Variants in STOX2 observed in about 807,000 individuals in gnomAD.
STOX2 encodes the protein storkhead-box protein 2.
A neutral mutation model predicts 60.9 loss-of-function variants in STOX2; 28 were observed. The ratio of observed to expected loss-of-function variants is 0.46; its 90% CI spans 0.34 to 0.63. The LOEUF is 0.63. Ranked by LOEUF, STOX2 falls within the 30% of genes least tolerant of loss-of-function variation. STOX2 has a pLI of 0.01. For synonymous variants in STOX2, 472 were observed against 463.9 expected, an observed-to-expected ratio of 1.02 and a Z score of -0.22; for missense variants, 1,024 against 1,187.7, an observed-to-expected ratio of 0.86 and a Z score of 2.03.
intron 1 of STOX2, among the ~76,000 whole-genome samples, chr4:183,922,596 G>C (rs755010622): frequency 4.6e-5 from 7 of 151,808 alleles, no homozygotes; most frequent in Non-Finnish European, 1.0e-4. Flanking sequence ...CACCCACCTC[G>C]GCCTCCCAAA....
chr4:183,830,713 C>A (rs948551552), intron 1 of STOX2, among the ~76,000 whole-genome samples: 1 of 152,188 alleles, frequency 6.6e-6, no homozygotes, highest in South Asian at 2.1e-4. Context: ...AGGCCAATGG[C>A]TCATTGAAAA....
chr4:183,981,430 G>A (rs992327786), intron 1 of STOX2, among the ~76,000 whole-genome samples: 32 of 151,416 alleles, frequency 2.1e-4, no homozygotes, highest in African/African-American at 7.0e-4. Context: ...AGATAGAAAC[G>A]TCTGAGATAC....
chr4:183,950,041 G>C (rs371941862), intron 1 of STOX2, among the ~76,000 whole-genome samples: 3 of 152,154 alleles, frequency 2.0e-5, no homozygotes, highest in African/African-American at 7.2e-5. Context: ...TCTCACTATT[G>C]TACAGCATTT....
intron 2 of STOX2, among the ~76,000 whole-genome samples, chr4:184,006,350 G>A (rs1733825684): frequency 6.6e-6 from 1 of 152,072 alleles, no homozygotes; most frequent in African/African-American, 2.4e-5. Context: ...TGATTGCTGT[G>A]CCAAACAATG....
At chr4:183,970,412 G>A (rs761990246) in intron 1 of STOX2, among the ~76,000 whole-genome samples, 4 of 152,056 alleles carry the variant, frequency 2.6e-5, no homozygotes, top group Non-Finnish European at 4.4e-5. Flanking sequence ...GTTGGGTTGG[G>A]TGCTCCTCAG....
At chr4:183,989,059 T>C (rs1470289522) in intron 1 of STOX2, among the ~76,000 whole-genome samples, 1 of 152,128 alleles carries the variant, frequency 6.6e-6, no homozygotes, top group African/African-American at 2.4e-5. Context: ...AGCAGCAGGA[T>C]TTGCCAATAG....
intron 1 of STOX2, among the ~76,000 whole-genome samples, chr4:183,800,863 C>T (rs187672359): frequency 7.9e-5 from 12 of 152,292 alleles, no homozygotes; most frequent in Admixed American, 5.9e-4. Flanking sequence ...GACTTGGGTT[C>T]GCCTGGGTGC....
chr4:183,891,818 G>C (rs759276547), intron 1 of STOX2, among the ~76,000 whole-genome samples: 53 of 151,842 alleles, frequency 3.5e-4, no homozygotes, highest in Non-Finnish European at 7.4e-4. Context: ...TTAAAAAAAA[G>C]GAATTTGTCT....
At chr4:183,940,585 T>C (rs768062586) in intron 1 of STOX2, among the ~76,000 whole-genome samples, 1 of 152,158 alleles carries the variant, frequency 6.6e-6, no homozygotes, top group Non-Finnish European at 1.5e-5. Flanking sequence ...AAAGATGTTG[T>C]CATCAAAGGG....
chr4:183,949,661 G>A (rs1743011347), intron 1 of STOX2, among the ~76,000 whole-genome samples: 1 of 152,206 alleles, frequency 6.6e-6, no homozygotes, highest in Non-Finnish European at 1.5e-5. Flanking sequence ...TCGTGCCATT[G>A]TACTCCAGCC....
chr4:184,010,912 G>A lies in STOX2; in HGVS notation c.2074G>A (p.Asp692Asn). The A allele has an allele frequency of 6.2e-7, 1 of 1,613,276 alleles. No individual in the cohort carries two copies. The highest frequency in any genetic ancestry group is 1.1e-5 in the South Asian group (1 of 90,942). The change falls in exon 3 of 4, where the codon GAC becomes AAC. Residue 692 changes from aspartate to asparagine, a missense_variant. Transcript: ENST00000308497. The surrounding 1 kb of genome is among the most constrained non-coding windows in gnomAD (Gnocchi z 4.5). ...CCATGGTGCCGAGCCCAGCAGCTTGGACAAGAGGAAAGAGATATTTAGCAA... is the reference window on the plus strand; with the variant it reads ...CCATGGTGCCGAGCCCAGCAGCTTGAACAAGAGGAAAGAGATATTTAGCAA... ...QHHGAEPSSLDKRKEIFSKDT... is the reference protein window; with the variant it reads ...QHHGAEPSSLNKRKEIFSKDT...
chr4:183,829,839 C>T (rs75109655), intron 1 of STOX2, among the ~76,000 whole-genome samples: 3,086 of 152,254 alleles, frequency 0.02, 115 homozygotes, highest in African/African-American at 0.07. Context: ...GAGTAATTCT[C>T]CTCTCCTGGC....
At chr4:183,924,884 G>A (rs1312266805) in intron 1 of STOX2, among the ~76,000 whole-genome samples, 1 of 152,146 alleles carries the variant, frequency 6.6e-6, no homozygotes, top group Non-Finnish European at 1.5e-5. Context: ...GCGTCAGAAG[G>A]TACATGCGTA....
intron 1 of STOX2, among the ~76,000 whole-genome samples, chr4:183,874,977 ATATATATATATATAT>A (rs1560857873): frequency 3.4e-4 from 39 of 113,086 alleles, no homozygotes; most frequent in African/African-American, 1.3e-3. Context: ...ATATATATAT[ATATATATATATATAT>A]AAAACTTAGA....
chr4:183,862,335 C>G (rs1740468661), intron 1 of STOX2, among the ~76,000 whole-genome samples: 1 of 152,196 alleles, frequency 6.6e-6, no homozygotes. Context: ...GCCATCACCC[C>G]TAGCTAATTT....
chr4:183,828,262 G>T (rs904695460), intron 1 of STOX2, among the ~76,000 whole-genome samples: 8 of 152,320 alleles, frequency 5.3e-5, no homozygotes, highest in Middle Eastern at 3.4e-3. Flanking sequence ...CTGGCAGAGG[G>T]TGTTGGCGCA....
At chr4:183,873,902 C>T (rs1740752989) in intron 1 of STOX2, among the ~76,000 whole-genome samples, 1 of 152,200 alleles carries the variant, frequency 6.6e-6, no homozygotes, top group Non-Finnish European at 1.5e-5. Flanking sequence ...TGTCATGACT[C>T]TGAAACGACA....
intron 1 of STOX2, among the ~76,000 whole-genome samples, chr4:183,880,670 A>G (rs1426745935): frequency 1.3e-5 from 2 of 152,358 alleles, no homozygotes; most frequent in East Asian, 1.9e-4. Flanking sequence ...AAAATGAGAG[A>G]TGAAGAGAAA....
intron 1 of STOX2, among the ~76,000 whole-genome samples, chr4:183,991,508 A>C (rs374062585): frequency 2.6e-5 from 4 of 151,474 alleles, no homozygotes; most frequent in African/African-American, 9.7e-5. Context: ...GCTCACTGCA[A>C]CCTCCGCCTC....
Sources: allele counts gnomAD v4.1 joint callset (sites outside exome capture counted in the v4.1 genomes callset), GRCh38; gene constraint gnomAD v4.1.1; non-coding constraint Gnocchi (gnomAD v3.1); transcripts MANE v1.5; gene names NCBI Gene and HGNC (gene_info 2026-07-23, HGNC 2026-07-21).